Variants in ANK2 observed in about 807,000 individuals in gnomAD.
The protein encoded by ANK2 is ankyrin-2.
A neutral mutation model predicts 360.5 loss-of-function variants in ANK2; 83 were observed. The observed-to-expected ratio is 0.23, with a 90% CI of 0.19 to 0.28. ANK2 has a LOEUF of 0.28. Among genes scored for constraint, ANK2 ranks in the 10% least tolerant of loss-of-function variants. The pLI, the probability that ANK2 is intolerant of heterozygous loss-of-function variation, is 1.00. For missense variants in ANK2, 4,201 were observed against 4,795.7 expected, an observed-to-expected ratio of 0.88 and a Z score of 3.66; for synonymous variants, 1,740 against 1,759.5, an observed-to-expected ratio of 0.99 and a Z score of 0.28.
intron 1 of ANK2, among the ~76,000 whole-genome samples, chr4:112,857,556 A>G (rs1271083541): frequency 2.6e-5 from 4 of 152,198 alleles, no homozygotes. Context: ...ACTTGCCCAG[A>G]ATTCCGCATC....
chr4:112,791,929 C>T, the ANK2 span, among the ~76,000 whole-genome samples: 1 of 151,414 alleles, frequency 6.6e-6, no homozygotes, highest in African/African-American at 2.4e-5. Context: ...CTTTAAAAGA[C>T]AAGTTCCTAA....
chr4:113,110,268 T>A (rs1007858210), intron 1 of ANK2, among the ~76,000 whole-genome samples: 8 of 152,154 alleles, frequency 5.3e-5, no homozygotes, highest in Admixed American at 5.2e-4. Flanking sequence ...TCTTACTCAC[T>A]ATCATGAGAA....
the ANK2 span, among the ~76,000 whole-genome samples, chr4:112,812,737 T>C: frequency 6.6e-6 from 1 of 152,316 alleles, no homozygotes; most frequent in East Asian, 1.9e-4. Context: ...CTAGAAAAGA[T>C]GCTTTTGGTG....
chr4:112,929,298 G>T (rs1042590425), intron 2 of ANK2, among the ~76,000 whole-genome samples: 4 of 152,172 alleles, frequency 2.6e-5, no homozygotes, highest in Admixed American at 2.6e-4. Flanking sequence ...CTTTTAGGAA[G>T]TCCATGATTT....
chr4:112,883,119 A>G (rs1380781085), intron 1 of ANK2, among the ~76,000 whole-genome samples: 1 of 131,056 alleles, frequency 7.6e-6, no homozygotes, highest in African/African-American at 2.9e-5. Flanking sequence ...GCTCACTGCA[A>G]CCTCCGTCTC....
rs2068319436 is a variant in ANK2, at chr4:112,862,179, A to G, written c.-39-42276A>G. On this transcript the variant is annotated intron_variant, in intron 1 of 30. Transcript: ENST00000503271. Reference sequence around the variant, plus strand: ...AGCCCAGTAAAAGTTAGTGATCACCATTACCTCCACTACTGTATTAAATTG... The same window carrying G: ...AGCCCAGTAAAAGTTAGTGATCACCGTTACCTCCACTACTGTATTAAATTG... 2.0e-5 allele frequency among the ~76,000 whole-genome samples: 3 copies of G among 152,222 alleles called. No individual in the cohort carries two copies. The South Asian group carries it at 6.2e-4, about 32-fold the overall frequency.
At chr4:113,117,365 G>A (rs1333554820) in intron 1 of ANK2, 2 of 456,046 alleles carry the variant, frequency 4.4e-6, no homozygotes, top group East Asian at 1.4e-4. Context: ...TCTTGAGAGA[G>A]ACAGAAAAAA....
At chr4:112,758,364 T>TAGATA in the ANK2 span, among the ~76,000 whole-genome samples, 1 of 152,118 alleles carries the variant, frequency 6.6e-6, no homozygotes, top group African/African-American at 2.4e-5. Flanking sequence ...TCAGCAGGAG[T>TAGATA]AGATGAGCAT....
At chr4:112,730,335 T>C in the ANK2 span, among the ~76,000 whole-genome samples, 20 of 149,748 alleles carry the variant, frequency 1.3e-4, no homozygotes, top group African/African-American at 4.4e-4. Flanking sequence ...TAACAATATA[T>C]TGTACATTTG....
At chr4:113,085,391 G>C (rs2084167920) in intron 1 of ANK2, among the ~76,000 whole-genome samples, 1 of 151,776 alleles carries the variant, frequency 6.6e-6, no homozygotes, top group Non-Finnish European at 1.5e-5. Flanking sequence ...TTGGCTCACT[G>C]CAACCTCCAC....
chr4:113,010,933 G>C (rs1292940189), intron 2 of ANK2, among the ~76,000 whole-genome samples: 1 of 108,864 alleles, frequency 9.2e-6, no homozygotes, highest in African/African-American at 2.7e-5. Flanking sequence ...GCAGCAATCT[G>C]TCATACACAC....
At chr4:113,036,343 T>C (rs2061600306) in intron 2 of ANK2, among the ~76,000 whole-genome samples, 1 of 151,368 alleles carries the variant, frequency 6.6e-6, no homozygotes, top group South Asian at 2.1e-4. Context: ...AGGAGAAAAA[T>C]TAGAAAGTAA....
At chr4:113,327,925 T>C (rs2153903394) in intron 26 of ANK2, among the ~76,000 whole-genome samples, 1 of 152,308 alleles carries the variant, frequency 6.6e-6, no homozygotes, top group East Asian at 1.9e-4. Context: ...ACACAGTCAA[T>C]GACACAATCA....
chr4:112,856,223 G>T (rs1428629067), intron 1 of ANK2, among the ~76,000 whole-genome samples: 1 of 152,152 alleles, frequency 6.6e-6, no homozygotes, highest in Non-Finnish European at 1.5e-5. Flanking sequence ...AAGCGTGAAA[G>T]TACAGCAATT....
rs1014294359 is a variant in ANK2, at chr4:113,052,519, A to G, written c.84+2707A>G. ...CTTCCAAAAGTACCTCTTCTGAGGG[A>G]CAGAGCTAAAGGGTCTTTTGCCACC... On this transcript the variant is annotated intron_variant, in intron 1 of 45. Transcript: ENST00000357077. Among the ~76,000 whole-genome samples the G allele has an allele frequency of 6.6e-5, 10 of 152,202 alleles. No individual in the cohort carries two copies. The East Asian group carries it at 1.9e-3, about 29-fold the overall frequency.
intron 14 of ANK2, 119 bp downstream of exon 14, chr4:113,265,114 C>A: frequency 4.3e-6 from 4 of 928,244 alleles, no homozygotes; most frequent in Non-Finnish European, 6.8e-6. Flanking sequence ...GTGAAAGGAT[C>A]AATTCAATAG....
chr4:113,235,983 C>T (rs2099373774), intron 5 of ANK2, among the ~76,000 whole-genome samples: 1 of 151,828 alleles, frequency 6.6e-6, no homozygotes, highest in South Asian at 2.1e-4. Flanking sequence ...CATGATCTGC[C>T]CGCCTCGGCC....
intron 14 of ANK2, among the ~76,000 whole-genome samples, chr4:113,265,570 C>A (rs1244427846): frequency 6.6e-6 from 1 of 152,146 alleles, no homozygotes; most frequent in Admixed American, 6.5e-5. Flanking sequence ...CTGAAGATTG[C>A]TTGATCAGAC....
rs29360 is a variant in ANK2, at chr4:113,287,977, G to A, written c.2178+274G>A. Among the ~76,000 whole-genome samples the A allele has an allele frequency of 0.12, 18,805 of 152,138 alleles. 2,075 individuals carry two copies. The highest frequency in any genetic ancestry group is 0.3 in the African/African-American group (12,340 of 41,478). On this transcript the variant is annotated intron_variant, in intron 19 of 45. Transcript: ENST00000357077. ...ATCCTCTCTCTTACTGCTTTAGCTA[G>A]TTCACATGACTTGCTGCGTTCCTCT...
Sources: gnomAD v4.1 joint callset for allele counts (sites outside exome capture counted in the v4.1 genomes callset) on GRCh38, gnomAD v4.1.1 for gene constraint, MANE v1.5 for transcripts, NCBI Gene and HGNC (gene_info 2026-07-23, HGNC 2026-07-21) for gene names.